Variants in SERAC1 observed in about 807,000 individuals in gnomAD.
SERAC1 encodes the protein serine active site containing 1.
In SERAC1, 36 loss-of-function variants were observed where a neutral mutation model predicts 85.7. The observed-to-expected ratio is 0.42, with a 90% CI of 0.32 to 0.55. The LOEUF (loss-of-function observed/expected upper bound fraction) is 0.55. SERAC1 is among the 20% of genes least tolerant of loss of function. The probability of loss-of-function intolerance (pLI) is 0.11; values close to 1 mark genes in which losing one functional copy is unlikely to be tolerated. For synonymous variants in SERAC1, 242 were observed against 265.3 expected, an observed-to-expected ratio of 0.91 and a Z score of 0.85; for missense variants, 629 against 796.2, an observed-to-expected ratio of 0.79 and a Z score of 2.53.
At position 158,143,120 on chromosome 6, in the gene SERAC1, T is replaced by C. The variant is rs375757326; in HGVS notation, c.674A>G (p.Glu225Gly). ...LASLPQTELD[E>G]CIQYFTSLAL... ...CAAAGATGTAAAATACTGGATACAC[T>C]CATCTAGCTCTGTTTGAGGTAAGGA... Residue 225 changes from glutamate to glycine, a missense_variant, in exon 8 of 17, where the codon GAG (glutamate) becomes GGG (glycine). Physicochemically the swap from Glu to Gly is moderately conservative, Grantham distance 98 (BLOSUM62 -2). Transcript: ENST00000647468. 8.3e-5 allele frequency: 134 copies of C among 1,613,352 alleles called. No homozygotes were observed. Among genetic ancestry groups the C allele is most frequent in the Admixed American group, 2.0e-4 (12 of 59,940 alleles).
chr6:158,131,551 G>A (rs1000758036), intron 8 of SERAC1, among the ~76,000 whole-genome samples: 1 of 150,888 alleles, frequency 6.6e-6, no homozygotes, highest in South Asian at 2.1e-4. Flanking sequence ...CATAATGAGA[G>A]GCGTGCACAC....
intron 2 of SERAC1, among the ~76,000 whole-genome samples, chr6:158,158,032 G>A (rs1404038580): frequency 1.3e-5 from 2 of 152,198 alleles, no homozygotes; most frequent in African/African-American, 4.8e-5. Flanking sequence ...TTATATTTAA[G>A]TTTAGGATGA....
chr6:158,122,775 G>C (rs1182712788), intron 10 of SERAC1, among the ~76,000 whole-genome samples: 1 of 152,154 alleles, frequency 6.6e-6, no homozygotes, highest in Non-Finnish European at 1.5e-5. Context: ...GTGAGACGCT[G>C]TCTCAAAGAA....
intron 16 of SERAC1, chr6:158,112,422 AAAAC>A (rs1784167295): frequency 6.6e-6 from 1 of 150,708 alleles, no homozygotes; most frequent in Non-Finnish European, 1.5e-5. Context: ...CTTAAAAACA[AAAAC>A]AAAAAACTAT....
chr6:158,168,053 T>C (rs1007771992), intron 1 of SERAC1, 87 bp downstream of exon 1: 2 of 151,008 alleles, frequency 1.3e-5, no homozygotes, highest in African/African-American at 4.9e-5. Flanking sequence ...GCCCGGTCCC[T>C]GCCCTCCCCA....
At chr6:158,148,990 G>T in intron 4 of SERAC1, 36 bp from the exon 5 acceptor site, 1 of 1,377,572 alleles carries the variant, frequency 7.3e-7, no homozygotes, top group Non-Finnish European at 1.0e-6. Flanking sequence ...AACCAAGAAT[G>T]TATTTTTTTT....
chr6:158,115,806 A>G (rs13211712), intron 14 of SERAC1, among the ~76,000 whole-genome samples: 23,672 of 152,190 alleles, frequency 0.16, 2,252 homozygotes, highest in Middle Eastern at 0.3. Context: ...ATAGACTGCA[A>G]TGGTGAGGGG....
At chr6:158,138,935 A>G (rs1583584831) in intron 8 of SERAC1, among the ~76,000 whole-genome samples, 2 of 152,108 alleles carry the variant, frequency 1.3e-5, no homozygotes, top group East Asian at 3.8e-4. Context: ...AGAGACAGGG[A>G]CTTGTTCTGT....
rs1274076957 is a variant in SERAC1 at position 158,114,787 on chromosome 6, A to G, written c.1684+2T>C. ...AATTTCCTTTATGACAAAAAGTATT[A>G]CCCTTGCTGAGTTCTTTGACTTCCA... is the stretch of plus-strand genomic sequence containing the variant. On this transcript the variant is annotated splice_donor_variant, in intron 15 of 16. Coordinates refer to ENST00000647468, the MANE Select transcript of SERAC1 (RefSeq NM_032861.4). LOFTEE classifies it high-confidence loss of function. 1.2e-6 allele frequency: 2 copies of G among 1,610,072 alleles called. No homozygotes were observed. Among genetic ancestry groups the G allele is most frequent in the Non-Finnish European group, 1.7e-6 (2 of 1,178,510 alleles).
At position 158,117,801 on chromosome 6, in the gene SERAC1, A is replaced by G. The variant is rs1203606223; in HGVS notation, c.1329T>C (p.Cys443=). ...CWPKTWLAKD[C]PALRIISVEY... Reference sequence around the variant, plus strand: ...CCACAGATATAATTCGGAGAGCAGGACAGTCTTTTGCTAACCATGTCTAAG... The same window carrying G: ...CCACAGATATAATTCGGAGAGCAGGGCAGTCTTTTGCTAACCATGTCTAAG... Residue 443 remains cysteine (C), a synonymous_variant, in exon 13 of 17, where the codon TGT becomes TGC. Transcript: ENST00000647468. This position sits in a 1 kb window ranked among gnomAD's most constrained non-coding sequence, Gnocchi z 4.3. 6.2e-7 allele frequency: 1 copy of G among 1,614,042 alleles called. No individual in the cohort carries two copies. Among genetic ancestry groups the G allele is most frequent in the East Asian group, 2.2e-5 (1 of 44,884 alleles).
intron 8 of SERAC1, among the ~76,000 whole-genome samples, chr6:158,136,596 G>C (rs981756270): frequency 6.6e-6 from 1 of 152,072 alleles, no homozygotes; most frequent in Non-Finnish European, 1.5e-5. Context: ...CCTGGACTGA[G>C]GTATCCTCCT....
At chr6:158,153,179 T>A (rs1234132943) in intron 3 of SERAC1, among the ~76,000 whole-genome samples, 1 of 152,174 alleles carries the variant, frequency 6.6e-6, no homozygotes, top group African/African-American at 2.4e-5. Flanking sequence ...CAGAGCTTAG[T>A]TTTGCCTGTT....
intron 8 of SERAC1, among the ~76,000 whole-genome samples, chr6:158,134,524 T>C (rs1164265885): frequency 2.6e-5 from 4 of 152,018 alleles, no homozygotes; most frequent in Non-Finnish European, 5.9e-5. Context: ...CTGGGACAAT[T>C]TGAACATCAG....
At chr6:158,115,778 G>A (rs1258335022) in intron 14 of SERAC1, among the ~76,000 whole-genome samples, 1 of 152,180 alleles carries the variant, frequency 6.6e-6, no homozygotes, top group Non-Finnish European at 1.5e-5. Context: ...GTCTGGGACT[G>A]TGGGCACTAA....
In SERAC1 at chr6:158,111,295, C is replaced by T; in HGVS notation, c.*71G>A. On this transcript the variant is annotated 3_prime_UTR_variant, in exon 17 of 17. Transcript: ENST00000647468. The stretch of plus-strand genomic sequence containing the variant: ...ACTATGTTTGCATGATTGCATAGAG[C>T]TTAAAAGAAGAAACAGAACACCAAG... 1 of 1,392,874 alleles carries T rather than the reference C, an allele frequency of 7.2e-7. No homozygotes were observed. The highest frequency in any genetic ancestry group is 9.7e-7 in the Non-Finnish European group (1 of 1,030,352). The allele number at this position is 1,392,874 out of a possible 1,614,324, so 86.3% of individuals were successfully genotyped here.
intron 4 of SERAC1, 96 bp downstream of exon 4, chr6:158,150,357 A>C (rs929210271): frequency 8.5e-6 from 8 of 939,512 alleles, no homozygotes; most frequent in Admixed American, 5.3e-5. Context: ...AATTAGCTCA[A>C]TCTGTATTAC....
At chr6:158,139,644 G>A (rs1036757241) in intron 8 of SERAC1, among the ~76,000 whole-genome samples, 25 of 152,192 alleles carry the variant, frequency 1.6e-4, no homozygotes, top group Non-Finnish European at 3.7e-4. Flanking sequence ...AGGATCACTT[G>A]AGCCCAGGAG....
At chr6:158,137,441 A>G (rs187260442) in intron 8 of SERAC1, among the ~76,000 whole-genome samples, 3 of 152,206 alleles carry the variant, frequency 2.0e-5, no homozygotes, top group Non-Finnish European at 4.4e-5. Context: ...AAAACAATGT[A>G]TTTACTTAAA....
At chr6:158,155,063 C>G (rs1296554845) in intron 3 of SERAC1, among the ~76,000 whole-genome samples, 1 of 152,198 alleles carries the variant, frequency 6.6e-6, no homozygotes, top group African/African-American at 2.4e-5. Context: ...TGTCAAAGTG[C>G]TTTCCTCACA....
Sources: gnomAD v4.1 joint callset for allele counts (sites outside exome capture counted in the v4.1 genomes callset) on GRCh38, gnomAD v4.1.1 for gene constraint, Gnocchi (gnomAD v3.1) non-coding constraint, MANE v1.5 for transcripts, NCBI Gene and HGNC (gene_info 2026-07-23, HGNC 2026-07-21) for gene names.